PLCXD3: variants seen among roughly 807,000 people sequenced by gnomAD.
PLCXD3 encodes the protein phosphatidylinositol specific phospholipase C X domain containing 3, also known as PI-PLC X domain-containing protein 3.
In PLCXD3, 19 loss-of-function variants were observed where a neutral mutation model predicts 25.5. That is an observed-to-expected ratio of 0.75 (90% CI 0.52 to 1.09). The LOEUF (loss-of-function observed/expected upper bound fraction) is 1.09, where lower values mean the gene tolerates loss of function less well. PLCXD3 is among the 50% of genes least tolerant of loss of function. The pLI is 0.00. For missense variants in PLCXD3, 411 were observed against 388.1 expected (o/e 1.06, Z -0.50); for synonymous variants, 174 against 137.6 (o/e 1.26, Z -1.85).
intron 1 of PLCXD3, among the ~76,000 whole-genome samples, chr5:41,406,479 T>C (rs545559852): frequency 6.6e-6 from 1 of 152,246 alleles, no homozygotes; most frequent in African/African-American, 2.4e-5. Context: ...CTGTTACATT[T>C]CCTTATCTCA....
intron 1 of PLCXD3, among the ~76,000 whole-genome samples, chr5:41,415,250 T>C (rs528860248): frequency 1.6e-4 from 25 of 152,288 alleles, no homozygotes; most frequent in Non-Finnish European, 2.8e-4. Flanking sequence ...AATCCCCTGC[T>C]CTTTCTGTAC....
At chr5:41,384,257 G>A (rs1207094665) in intron 1 of PLCXD3, among the ~76,000 whole-genome samples, 1 of 152,028 alleles carries the variant, frequency 6.6e-6, no homozygotes, top group Non-Finnish European at 1.5e-5. Context: ...ATTTTAATAA[G>A]CATTTAAATT....
chr5:41,445,038 C>T (rs1209317753), intron 1 of PLCXD3, among the ~76,000 whole-genome samples: 2 of 152,186 alleles, frequency 1.3e-5, no homozygotes, highest in Non-Finnish European at 2.9e-5. Context: ...GTAAATATGA[C>T]ATGCTTTCTC....
intron 1 of PLCXD3, among the ~76,000 whole-genome samples, chr5:41,416,643 G>T (rs547583132): frequency 6.6e-6 from 1 of 152,334 alleles, no homozygotes; most frequent in East Asian, 1.9e-4. Context: ...ACTGTGTGAT[G>T]TGTAGGACCA....
chr5:41,480,075 T>G (rs1748364497), intron 1 of PLCXD3, among the ~76,000 whole-genome samples: 1 of 152,226 alleles, frequency 6.6e-6, no homozygotes, highest in South Asian at 2.1e-4. Context: ...GAAACCAAAC[T>G]GTTTTAGAGG....
chr5:41,503,142 T>C (rs1377251201), intron 1 of PLCXD3, among the ~76,000 whole-genome samples: 1 of 152,198 alleles, frequency 6.6e-6, no homozygotes, highest in Non-Finnish European at 1.5e-5. Context: ...AAGTCCTATC[T>C]GCCCACTAGG....
At chr5:41,490,790 T>G (rs1040686605) in intron 1 of PLCXD3, among the ~76,000 whole-genome samples, 1 of 152,198 alleles carries the variant, frequency 6.6e-6, no homozygotes, top group East Asian at 1.9e-4. Context: ...ATCCCCTTTG[T>G]CATTTTTTAC....
chr5:41,339,338 T>TCC (rs1744072513), intron 2 of PLCXD3, among the ~76,000 whole-genome samples: 1 of 152,066 alleles, frequency 6.6e-6, no homozygotes, highest in Non-Finnish European at 1.5e-5. Flanking sequence ...TTCTAGGAGG[T>TCC]AGCTCCAGCT....
intron 1 of PLCXD3, among the ~76,000 whole-genome samples, chr5:41,433,101 G>A (rs539055353): frequency 2.6e-5 from 4 of 152,190 alleles, no homozygotes; most frequent in Middle Eastern, 3.2e-3. Flanking sequence ...ACATGGCAGA[G>A]GAGCTCAGAA....
chr5:41,488,060 C>A (rs370044977), intron 1 of PLCXD3, among the ~76,000 whole-genome samples: 12,995 of 110,950 alleles, frequency 0.12, 1,064 homozygotes, highest in African/African-American at 0.23. Context: ...AAAGCTATCC[C>A]TCCCCCCTCC....
rs951209823 is a variant in PLCXD3, at chr5:41,479,729, AAG to A, written c.103+30693_103+30694del. On this transcript the variant is annotated intron_variant, in intron 1 of 2. Coordinates refer to ENST00000377801, the MANE Select transcript of PLCXD3 (RefSeq NM_001005473.3). ...GCTGAGAGGGAGAGAGAGAGAGAGA[AAG>A]AGAGAGAGAGAGAGAGAGTAGGCAT... Among the ~76,000 whole-genome samples the A allele has an allele frequency of 3.5e-3, 477 of 138,130 alleles. 3 individuals are homozygous for A. The highest frequency in any genetic ancestry group is 0.011 in the African/African-American group (392 of 35,782). 90.6% of individuals were successfully genotyped at this position (138,130 alleles called of 152,430 possible).
intron 2 of PLCXD3, among the ~76,000 whole-genome samples, chr5:41,356,616 C>T (rs16871272): frequency 0.038 from 5,716 of 152,092 alleles, 366 homozygotes; most frequent in African/African-American, 0.13. Context: ...AAAATGAAAA[C>T]GGCCCCTTAT....
At chr5:41,473,856 C>A (rs2150520856) in intron 1 of PLCXD3, among the ~76,000 whole-genome samples, 1 of 152,300 alleles carries the variant, frequency 6.6e-6, no homozygotes, top group Non-Finnish European at 1.5e-5. Flanking sequence ...CATTAATTAC[C>A]ATTACACAAT....
intron 2 of PLCXD3, among the ~76,000 whole-genome samples, chr5:41,370,517 C>T (rs1745064635): frequency 1.3e-5 from 2 of 152,088 alleles, no homozygotes; most frequent in South Asian, 4.1e-4. Flanking sequence ...TTTAATATTT[C>T]TATTAAATTT....
intron 1 of PLCXD3, among the ~76,000 whole-genome samples, chr5:41,395,374 G>A (rs1223125362): frequency 6.6e-6 from 1 of 151,264 alleles, no homozygotes. Context: ...TCAAAACAAG[G>A]AAAAACTTCA....
At chr5:41,378,406 C>A (rs530646248) in intron 2 of PLCXD3, among the ~76,000 whole-genome samples, 41 of 152,206 alleles carry the variant, frequency 2.7e-4, no homozygotes, top group Non-Finnish European at 5.0e-4. Flanking sequence ...GATATACTGG[C>A]AAATTATTTG....
intron 1 of PLCXD3, among the ~76,000 whole-genome samples, chr5:41,398,836 A>G (rs1466863383): frequency 6.6e-6 from 1 of 152,190 alleles, no homozygotes. Flanking sequence ...TATTCAACAT[A>G]CTACTGGAAG....
intron 1 of PLCXD3, among the ~76,000 whole-genome samples, chr5:41,430,376 T>C (rs1747067602): frequency 6.6e-6 from 1 of 152,186 alleles, no homozygotes. Flanking sequence ...GCCAAAATAG[T>C]AAAATCATAA....
rs1409903396 is a variant in PLCXD3 at position 41,307,491 on chromosome 5, G to C, written c.*6126C>G. The C allele has an allele frequency of 6.6e-6, 1 of 152,188 alleles. No homozygotes were observed. Among genetic ancestry groups the C allele is most frequent in the Admixed American group, 6.6e-5 (1 of 15,244 alleles). 9.4% of individuals were successfully genotyped at this position (152,188 alleles called of 1,614,324 possible). A position where few individuals can be genotyped will look rare whatever the true frequency, so the allele number is the denominator to read the frequency against. Reference sequence around the variant, plus strand: ...CACTGTTCTTATTTTAGGGCTTCTTGGGTTTTCAATTCCAAAAAAAAATAG... The same window carrying C: ...CACTGTTCTTATTTTAGGGCTTCTTCGGTTTTCAATTCCAAAAAAAAATAG... On this transcript the variant is annotated 3_prime_UTR_variant, in exon 3 of 3. Coordinates refer to ENST00000377801, the MANE Select transcript of PLCXD3 (RefSeq NM_001005473.3).
Sources: allele counts gnomAD v4.1 joint callset (sites outside exome capture counted in the v4.1 genomes callset), GRCh38; gene constraint gnomAD v4.1.1; transcripts MANE v1.5; gene names NCBI Gene and HGNC (gene_info 2026-07-23, HGNC 2026-07-21).